KIAA1328: variants seen among roughly 807,000 people sequenced by gnomAD.
KIAA1328 encodes the protein protein hinderin.
In KIAA1328, 52 loss-of-function variants were observed where a neutral mutation model predicts 68.1. That is an observed-to-expected ratio of 0.76 (90% CI 0.61 to 0.96). KIAA1328 has a LOEUF of 0.96. Ranked by LOEUF, KIAA1328 falls within the 40% of genes least tolerant of loss-of-function variation. The pLI is 0.00. For synonymous variants in KIAA1328, 232 were observed against 239.4 expected (o/e 0.97, Z 0.28); for missense variants, 641 against 677.6 (o/e 0.95, Z 0.60).
chr18:36,938,730 T>G (rs1328353054), intron 5 of KIAA1328, among the ~76,000 whole-genome samples: 1 of 152,190 alleles, frequency 6.6e-6, no homozygotes, highest in Non-Finnish European at 1.5e-5. Flanking sequence ...TACATTTAAG[T>G]CTTTAATCCA....
At chr18:37,148,026 A>G (rs1445232930) in intron 7 of KIAA1328, among the ~76,000 whole-genome samples, 1 of 151,960 alleles carries the variant, frequency 6.6e-6, no homozygotes, top group Non-Finnish European at 1.5e-5. Context: ...AGTTTGTCAC[A>G]TAGGTAAATG....
chr18:36,911,131 G>A (rs1397371073), intron 5 of KIAA1328, among the ~76,000 whole-genome samples: 1 of 152,100 alleles, frequency 6.6e-6, no homozygotes. Flanking sequence ...GCCTTATGCT[G>A]GAGGCTGCCC....
At chr18:37,154,991 C>G (rs2059123219) in intron 7 of KIAA1328, among the ~76,000 whole-genome samples, 1 of 152,104 alleles carries the variant, frequency 6.6e-6, no homozygotes, top group Non-Finnish European at 1.5e-5. Context: ...AAATCCTAAC[C>G]CTAGATTGAG....
chr18:37,177,140 T>C (rs1264463959), intron 9 of KIAA1328, among the ~76,000 whole-genome samples: 1 of 152,204 alleles, frequency 6.6e-6, no homozygotes, highest in Non-Finnish European at 1.5e-5. Flanking sequence ...TTATTTCAAA[T>C]TTGACTGGGA....
intron 7 of KIAA1328, among the ~76,000 whole-genome samples, chr18:37,108,050 C>G (rs2057823605): frequency 6.6e-6 from 1 of 152,108 alleles, no homozygotes; most frequent in East Asian, 1.9e-4. Context: ...ATAAATCATC[C>G]TGCCAAAAAG....
At position 37,151,465 on chromosome 18, in the gene KIAA1328, GT is replaced by G. The variant is rs767008689; in HGVS notation, c.1233-8734del. Among the ~76,000 whole-genome samples the G allele has an allele frequency of 3.7e-4, 57 of 152,258 alleles. 1 individual carries two copies. In the Middle Eastern group the frequency reaches 0.02, roughly 55 times the overall value. On this transcript the variant is annotated intron_variant, in intron 7 of 9. Transcript: ENST00000280020. ...GAAATGTGAAAGGACTAGAATAGCA[GT>G]GACAGTCTTTGTTATTCTAGAAGAC...
intron 6 of KIAA1328, among the ~76,000 whole-genome samples, chr18:37,025,591 A>C (rs566140015): frequency 6.6e-6 from 1 of 152,196 alleles, no homozygotes; most frequent in Admixed American, 6.5e-5. Context: ...GCTCAACTAC[A>C]TGGAAACTGA....
At chr18:37,069,618 A>G (rs1189935920) in intron 7 of KIAA1328, among the ~76,000 whole-genome samples, 1 of 152,078 alleles carries the variant, frequency 6.6e-6, no homozygotes, top group Non-Finnish European at 1.5e-5. Flanking sequence ...TGTTTAGTAG[A>G]ATTCTCCAGT....
chr18:37,202,285 CTA>C (rs1400332770), intron 9 of KIAA1328, among the ~76,000 whole-genome samples: 2 of 152,196 alleles, frequency 1.3e-5, no homozygotes, highest in Non-Finnish European at 2.9e-5. Flanking sequence ...TTTCAGTCCT[CTA>C]TCAGTTCAGT....
chr18:36,996,991 T>G (rs1234586724), intron 6 of KIAA1328, among the ~76,000 whole-genome samples: 2 of 152,166 alleles, frequency 1.3e-5, no homozygotes, highest in African/African-American at 4.8e-5. Flanking sequence ...CATGAGACAT[T>G]CAAATAGAAG....
chr18:36,992,794 A>C (rs1430101145), intron 6 of KIAA1328, among the ~76,000 whole-genome samples: 3 of 152,176 alleles, frequency 2.0e-5, no homozygotes, highest in Non-Finnish European at 2.9e-5. Flanking sequence ...AACTGAAAGA[A>C]AGAGGTACTT....
intron 5 of KIAA1328, among the ~76,000 whole-genome samples, chr18:36,928,563 TG>T (rs990396795): frequency 3.9e-5 from 6 of 152,104 alleles, no homozygotes; most frequent in Admixed American, 1.3e-4. Flanking sequence ...TTGTTGCCAT[TG>T]GGGGGGATAC....
intron 7 of KIAA1328, among the ~76,000 whole-genome samples, chr18:37,107,879 C>A (rs748830942): frequency 2.3e-4 from 24 of 105,874 alleles, no homozygotes; most frequent in Admixed American, 7.3e-4. Context: ...AAAAAAAAAA[C>A]AGATGCTGGC....
intron 6 of KIAA1328, among the ~76,000 whole-genome samples, chr18:37,059,736 A>C (rs1236344191): frequency 6.6e-6 from 1 of 152,246 alleles, no homozygotes; most frequent in East Asian, 1.9e-4. Context: ...AGACACATGC[A>C]TATGTATGTT....
intron 9 of KIAA1328, among the ~76,000 whole-genome samples, chr18:37,180,972 C>T (rs2059688203): frequency 6.6e-6 from 1 of 152,016 alleles, no homozygotes; most frequent in African/African-American, 2.4e-5. Flanking sequence ...ATACAAATTA[C>T]ATATTATTGT....
downstream of KIAA1328, among the ~76,000 whole-genome samples, chr18:37,229,022 C>T (rs149633376): frequency 1.1e-3 from 169 of 152,272 alleles, 1 homozygote; most frequent in African/African-American, 3.9e-3. Flanking sequence ...ATTTGTGTGA[C>T]TCCCTTTGTT....
Position 37,224,423 on chromosome 18 carries a change from T to A in KIAA1328, c.*2196T>A. 2 of 985,418 alleles carry A rather than the reference T, an allele frequency of 2.0e-6. No homozygotes were observed. The highest frequency in any genetic ancestry group is 9.4e-5 in the South Asian group (2 of 21,288). 61.0% of individuals were successfully genotyped at this position (985,418 alleles called of 1,614,324 possible). On this transcript the variant is annotated 3_prime_UTR_variant, in exon 10 of 10. Coordinates refer to ENST00000280020, the MANE Select transcript of KIAA1328 (RefSeq NM_020776.3). ...AAGCAGAGATGGGCTTTCAGCAGAATATCAACCAATACATTTTTCACATGC... is the reference window on the plus strand; with the variant it reads ...AAGCAGAGATGGGCTTTCAGCAGAAAATCAACCAATACATTTTTCACATGC...
At chr18:36,961,597 A>C (rs1427720148) in intron 6 of KIAA1328, among the ~76,000 whole-genome samples, 2 of 152,236 alleles carry the variant, frequency 1.3e-5, no homozygotes, top group Non-Finnish European at 2.9e-5. Context: ...AGGGAAGCTC[A>C]TCAGACTAAC....
intron 7 of KIAA1328, among the ~76,000 whole-genome samples, chr18:37,099,477 G>A (rs538464738): frequency 1.3e-5 from 2 of 152,300 alleles, no homozygotes; most frequent in African/African-American, 4.8e-5. Context: ...CATTTGCTGA[G>A]GAGTGCTTTA....
Sources: gnomAD v4.1 joint callset for allele counts (sites outside exome capture counted in the v4.1 genomes callset) on GRCh38, gnomAD v4.1.1 for gene constraint, MANE v1.5 for transcripts, NCBI Gene and HGNC (gene_info 2026-07-23, HGNC 2026-07-21) for gene names.